The following ABCD3 variants were observed in gnomAD, a reference collection of about 807,000 sequenced individuals.
ABCD3 encodes the protein ATP binding cassette subfamily D member 3.
A neutral mutation model predicts 105.5 loss-of-function variants in ABCD3; 41 were observed. That is an observed-to-expected ratio of 0.39 (90% CI 0.30 to 0.50). The LOEUF is 0.50. Ranked by LOEUF, ABCD3 falls within the 20% of genes least tolerant of loss-of-function variation. The probability of loss-of-function intolerance (pLI) is 0.84; values close to 1 mark genes in which losing one functional copy is unlikely to be tolerated. For synonymous variants in ABCD3, 258 were observed against 269.0 expected (o/e 0.96, Z 0.40); for missense variants, 622 against 806.3 (o/e 0.77, Z 2.77).
In ABCD3 at chr1:94,418,415, T is replaced by G. The variant is rs1659105258; in HGVS notation, c.-64T>G. ...CCAGTCTCCCCCGCGCTGCGTGCAG[T>G]AAGGTAGCCGCCGCCGCCGCCGCCG... On this transcript the variant is annotated 5_prime_UTR_variant, in exon 1 of 23. Coordinates refer to ENST00000370214, the MANE Select transcript of ABCD3 (RefSeq NM_002858.4). 1 of 1,358,260 alleles carries G rather than the reference T, an allele frequency of 7.4e-7. No individual in the cohort carries two copies. Among genetic ancestry groups the G allele is most frequent in the Non-Finnish European group, 1.0e-6 (1 of 985,760 alleles). 84.1% of individuals were successfully genotyped at this position (1,358,260 alleles called of 1,614,324 possible).
At chr1:94,483,343 G>GT in intron 10 of ABCD3, 104 bp downstream of exon 10, 1 of 813,552 alleles carries the variant, frequency 1.2e-6, no homozygotes, top group Non-Finnish European at 2.1e-6. Flanking sequence ...AAACACACAC[G>GT]TATGTATACA....
At chr1:94,439,375 C>T (rs1660050262) in intron 1 of ABCD3, among the ~76,000 whole-genome samples, 1 of 151,932 alleles carries the variant, frequency 6.6e-6, no homozygotes. Context: ...GGCGCAGTGG[C>T]TCATACCTAT....
At chr1:94,396,252 G>A in the ABCD3 span, among the ~76,000 whole-genome samples, 144 of 152,172 alleles carry the variant, frequency 9.5e-4, 1 homozygote, top group East Asian at 0.02. Flanking sequence ...TTAGTAAAGG[G>A]GATAATAATA....
At position 94,456,396 on chromosome 1, in the gene ABCD3, C is replaced by T. The variant is rs187147221; in HGVS notation, c.111-2211C>T. On this transcript the variant is annotated intron_variant, in intron 1 of 22. Coordinates refer to ENST00000370214, the MANE Select transcript of ABCD3 (RefSeq NM_002858.4). ...TTCAAGCCAGTTCTCCTGCCTTAGC[C>T]TCCCAAGTAGCTGGGACTACAGGTG... is the stretch of plus-strand genomic sequence containing the variant. Among the ~76,000 whole-genome samples, 131 of 149,550 alleles carry T rather than the reference C, an allele frequency of 8.8e-4. No individual in the cohort carries two copies. The East Asian group carries it at 0.024, about 27-fold the overall frequency.
At chr1:94,421,916 A>C (rs1391268384) in intron 1 of ABCD3, among the ~76,000 whole-genome samples, 1 of 152,198 alleles carries the variant, frequency 6.6e-6, no homozygotes, top group African/African-American at 2.4e-5. Context: ...CTTTTTAAGA[A>C]GCTCAGATAT....
At chr1:94,502,471 A>G (rs946709209) in intron 20 of ABCD3, among the ~76,000 whole-genome samples, 8 of 150,634 alleles carry the variant, frequency 5.3e-5, no homozygotes, top group African/African-American at 2.0e-4. Flanking sequence ...CAGTCCTGTG[A>G]GGTAAGAACT....
upstream of ABCD3, chr1:94,418,374 G>C: frequency 2.9e-6 from 3 of 1,035,968 alleles, no homozygotes; most frequent in Non-Finnish European, 4.3e-6. Context: ...GGCCGGCCCC[G>C]CCCTCTGCTC....
Position 94,480,739 on chromosome 1 carries a change from TGAAA to T in ABCD3, c.827+136_827+139del, listed in dbSNP as rs922225770. On this transcript the variant is annotated intron_variant, in intron 9 of 22. Coordinates refer to ENST00000370214, the MANE Select transcript of ABCD3 (RefSeq NM_002858.4). ...CATATTGTGTTGAAAATATACATTA[TGAAA>T]GAGACTAGTTTTATAAAGTAGTAAT... 9 of 945,240 alleles carry T rather than the reference TGAAA, an allele frequency of 9.5e-6. No homozygotes were observed. The African/African-American group carries it at 1.5e-4, about 16-fold the overall frequency. 58.6% of individuals were successfully genotyped at this position (945,240 alleles called of 1,614,324 possible).
chr1:94,396,615 G>GCA, the ABCD3 span, among the ~76,000 whole-genome samples: 8 of 152,080 alleles, frequency 5.3e-5, no homozygotes, highest in African/African-American at 1.9e-4. Context: ...GTGTGTGCGC[G>GCA]CGCGCACGTG....
intron 10 of ABCD3, among the ~76,000 whole-genome samples, chr1:94,485,595 A>G (rs1200368347): frequency 6.6e-6 from 1 of 152,102 alleles, no homozygotes; most frequent in Non-Finnish European, 1.5e-5. Flanking sequence ...AAATGTTAAC[A>G]CCTTATTGAA....
At chr1:94,388,935 A>G in the ABCD3 span, among the ~76,000 whole-genome samples, 2 of 152,104 alleles carry the variant, frequency 1.3e-5, no homozygotes, top group Non-Finnish European at 1.5e-5. Flanking sequence ...TATGAGATGC[A>G]TCTTAAAATT....
intron 2 of ABCD3, among the ~76,000 whole-genome samples, chr1:94,460,149 A>G (rs994561283): frequency 2.0e-5 from 3 of 152,148 alleles, no homozygotes; most frequent in Non-Finnish European, 4.4e-5. Context: ...TTGCTGGGTC[A>G]TATGTTAACG....
At chr1:94,429,392 C>T (rs1042689078) in intron 1 of ABCD3, among the ~76,000 whole-genome samples, 2 of 152,194 alleles carry the variant, frequency 1.3e-5, no homozygotes, top group South Asian at 4.1e-4. Flanking sequence ...AAAAGTTACT[C>T]ATCAAGACAA....
chr1:94,455,824 T>C, intron 1 of ABCD3: 3 of 1,281,252 alleles, frequency 2.3e-6, no homozygotes, highest in Non-Finnish European at 3.0e-6. Context: ...TGTGTACATG[T>C]GTATATATAT....
At chr1:94,411,546 G>T in the ABCD3 span, among the ~76,000 whole-genome samples, 1 of 152,116 alleles carries the variant, frequency 6.6e-6, no homozygotes, top group Non-Finnish European at 1.5e-5. Context: ...AAGGTAAAAT[G>T]GTTCAGCTGC....
At chr1:94,506,208 G>A (rs998396310) in intron 20 of ABCD3, among the ~76,000 whole-genome samples, 2 of 152,064 alleles carry the variant, frequency 1.3e-5, no homozygotes, top group African/African-American at 4.8e-5. Flanking sequence ...CTGAGATTTG[G>A]TTAAAATATG....
chr1:94,413,052 A>C, the ABCD3 span, among the ~76,000 whole-genome samples: 3 of 150,902 alleles, frequency 2.0e-5, no homozygotes, highest in Middle Eastern at 3.4e-3. Flanking sequence ...TTTAATCACA[A>C]AAAAAATGTT....
intron 4 of ABCD3, among the ~76,000 whole-genome samples, chr1:94,471,575 C>G (rs1016656796): frequency 1.3e-5 from 2 of 151,580 alleles, no homozygotes; most frequent in African/African-American, 4.8e-5. Context: ...GTAAAACACT[C>G]ATTTTAAAGT....
At chr1:94,402,264 T>A in the ABCD3 span, among the ~76,000 whole-genome samples, 4 of 152,354 alleles carry the variant, frequency 2.6e-5, no homozygotes, top group South Asian at 8.3e-4. Flanking sequence ...TGTTCTTTAA[T>A]ATGTCTTTAA....
Sources: gnomAD v4.1 joint callset for allele counts (sites outside exome capture counted in the v4.1 genomes callset) on GRCh38, gnomAD v4.1.1 for gene constraint, MANE v1.5 for transcripts, NCBI Gene and HGNC (gene_info 2026-07-23, HGNC 2026-07-21) for gene names.